The following RIMKLB variants were observed in gnomAD, a reference collection of about 807,000 sequenced individuals.
RIMKLB encodes the protein ribosomal modification protein rimK like family member B.
Under a neutral mutation model 32.0 loss-of-function variants are expected in RIMKLB, and 7 were observed. The ratio of observed to expected loss-of-function variants is 0.22; its 90% CI spans 0.12 to 0.41. RIMKLB has a LOEUF of 0.41. Ranked by LOEUF, RIMKLB falls within the 10% of genes least tolerant of loss-of-function variation. RIMKLB has a pLI of 1.00. For synonymous variants in RIMKLB, 172 were observed against 185.1 expected (o/e 0.93, Z 0.57); for missense variants, 289 against 498.7 (o/e 0.58, Z 4.00).
At chr12:8,715,949 T>C (rs145396508) in intron 2 of RIMKLB, among the ~76,000 whole-genome samples, 1 of 152,328 alleles carries the variant, frequency 6.6e-6, no homozygotes, top group East Asian at 1.9e-4. Flanking sequence ...GCTTTTTCAG[T>C]GTAAGTGTGT....
intron 1 of RIMKLB, among the ~76,000 whole-genome samples, chr12:8,700,938 C>A (rs912136195): frequency 6.6e-6 from 1 of 152,040 alleles, no homozygotes. Flanking sequence ...TGGTGACGCA[C>A]ACCTGTAGTC....
intron 5 of RIMKLB, among the ~76,000 whole-genome samples, chr12:8,755,819 G>GAACA (rs1948978100): frequency 6.6e-6 from 1 of 152,008 alleles, no homozygotes; most frequent in Non-Finnish European, 1.5e-5. Context: ...AACCAGCCTG[G>GAACA]GCAATCGAGG....
At chr12:8,719,754 C>T (rs759824622) in intron 2 of RIMKLB, among the ~76,000 whole-genome samples, 1 of 152,292 alleles carries the variant, frequency 6.6e-6, no homozygotes, top group African/African-American at 2.4e-5. Context: ...ATTACAAGTG[C>T]TTAGATGCTT....
chr12:8,717,316 C>G lies in RIMKLB; in HGVS notation c.175+3275C>G, dbSNP rs770056839. On this transcript the variant is annotated intron_variant, in intron 2 of 5. Coordinates refer to ENST00000535829, the MANE Select transcript of RIMKLB (RefSeq NM_001297776.2). ...CAATATGTGAATTATATCTCAAAGC[C>G]GTTTAAAAAATGTTACACGTCATTT... Among the ~76,000 whole-genome samples, 6 of 152,146 alleles carry G rather than the reference C, an allele frequency of 3.9e-5. No homozygotes were observed. The East Asian group carries it at 1.2e-3, about 29-fold the overall frequency.
At chr12:8,771,799 C>G (rs899180077) in intron 5 of RIMKLB, among the ~76,000 whole-genome samples, 1 of 152,148 alleles carries the variant, frequency 6.6e-6, no homozygotes, top group East Asian at 1.9e-4. Context: ...TGGAAAATGT[C>G]TTCATTAATT....
At chr12:8,766,321 G>C (rs1300299990) in intron 5 of RIMKLB, among the ~76,000 whole-genome samples, 3 of 152,098 alleles carry the variant, frequency 2.0e-5, no homozygotes, top group Non-Finnish European at 2.9e-5. Context: ...AAGGGGTCCG[G>C]CTGCTGGATT....
intron 1 of RIMKLB, among the ~76,000 whole-genome samples, chr12:8,688,708 CTTGTTG>C (rs999357888): frequency 6.6e-6 from 1 of 150,494 alleles, no homozygotes; most frequent in African/African-American, 2.4e-5. Flanking sequence ...ATTAAAAAAA[CTTGTTG>C]TTGTTAAAGG....
intron 2 of RIMKLB, among the ~76,000 whole-genome samples, chr12:8,747,025 C>T (rs1342049526): frequency 1.3e-5 from 2 of 151,948 alleles, no homozygotes; most frequent in African/African-American, 2.4e-5. Context: ...ACAGAGTAAG[C>T]CACCAGGCCT....
chr12:8,745,910 G>T (rs777897013), intron 2 of RIMKLB, among the ~76,000 whole-genome samples: 1 of 151,234 alleles, frequency 6.6e-6, no homozygotes, highest in Non-Finnish European at 1.5e-5. Context: ...GGCCAGACTG[G>T]TTTTGAACTC....
At position 8,754,091 on chromosome 12, in the gene RIMKLB, T is replaced by C; in HGVS notation, c.695T>C (p.Leu232Ser). The C allele has an allele frequency of 6.2e-7, 1 of 1,607,382 alleles. No homozygotes were observed. The highest frequency in any genetic ancestry group is 8.5e-7 in the Non-Finnish European group (1 of 1,173,838). The change falls in exon 5 of 6, where the codon TTA (leucine) becomes TCA (serine). Residue 232 changes from leucine (L) to serine (S), a missense_variant and splice_region_variant. By Grantham distance (145) the Leu-to-Ser change is moderately radical. This residue lies in a region of RIMKLB where 156 missense variants were observed against 329.5 expected (regional missense o/e 0.47). Transcript: ENST00000535829. The part of the protein sequence containing the change: ...TDGRMQSNCS[L>S]GGVGMMCSLS... Reference sequence around the variant, plus strand: ...GGGAGAATGCAAAGCAACTGCTCATTAGGTAAAAATAATGCAATTATCTTT... The same window carrying C: ...GGGAGAATGCAAAGCAACTGCTCATCAGGTAAAAATAATGCAATTATCTTT...
chr12:8,687,602 G>T (rs1942612992), intron 1 of RIMKLB, among the ~76,000 whole-genome samples: 1 of 152,072 alleles, frequency 6.6e-6, no homozygotes, highest in South Asian at 2.1e-4. Context: ...TGGACAAAAT[G>T]AAATTTCTAC....
chr12:8,752,595 G>T (rs1486585213), intron 4 of RIMKLB, among the ~76,000 whole-genome samples: 1 of 152,142 alleles, frequency 6.6e-6, no homozygotes, highest in Non-Finnish European at 1.5e-5. Flanking sequence ...ACTAACTCCA[G>T]TCATTGCCCT....
chr12:8,682,686 G>A (rs1054526613), intron 1 of RIMKLB, among the ~76,000 whole-genome samples: 26 of 151,746 alleles, frequency 1.7e-4, no homozygotes, highest in African/African-American at 5.8e-4. Flanking sequence ...GCAGGAGAAC[G>A]GCGTGAACCC....
intron 1 of RIMKLB, among the ~76,000 whole-genome samples, chr12:8,710,965 CAAAAAAAAAAAA>C (rs748394546): frequency 6.1e-5 from 4 of 65,768 alleles, no homozygotes; most frequent in African/African-American, 1.7e-4. Flanking sequence ...ACATCTTTAC[CAAAAAAAAAAAA>C]AAAAAAAAAA....
At position 8,775,514 on chromosome 12, in the gene RIMKLB, C is replaced by T; in HGVS notation, c.*1730C>T. Reference sequence around the variant, plus strand: ...TCTGAAGCTTTTACCCAAGCCCTTTCTTGCCTCTCCAGTGCTATTTTCCTT... The same window carrying T: ...TCTGAAGCTTTTACCCAAGCCCTTTTTTGCCTCTCCAGTGCTATTTTCCTT... On this transcript the variant is annotated 3_prime_UTR_variant, in exon 6 of 6. Coordinates refer to ENST00000535829, the MANE Select transcript of RIMKLB (RefSeq NM_001297776.2). The T allele has an allele frequency of 2.0e-6, 2 of 985,760 alleles. No individual in the cohort carries two copies. Among genetic ancestry groups the T allele is most frequent in the Admixed American group, 6.1e-5 (1 of 16,268 alleles). The allele number at this position is 985,760 out of a possible 1,614,324, so 61.1% of individuals were successfully genotyped here.
rs1948129627 is a variant in RIMKLB at position 8,746,725 on chromosome 12, G to A, written c.176-3137G>A. 2.0e-5 allele frequency among the ~76,000 whole-genome samples: 3 copies of A among 152,048 alleles called. No homozygotes were observed. The South Asian group carries it at 6.2e-4, about 32-fold the overall frequency. ...CACATACCTACCCATGGGTGCTCCT[G>A]GAGAATAATTTCTACTTTTTTCACC... is the stretch of plus-strand genomic sequence containing the variant. On this transcript the variant is annotated intron_variant, in intron 2 of 5. Coordinates refer to ENST00000535829, the MANE Select transcript of RIMKLB (RefSeq NM_001297776.2).
intron 5 of RIMKLB, among the ~76,000 whole-genome samples, chr12:8,754,837 T>C (rs1210441975): frequency 6.6e-6 from 1 of 152,224 alleles, no homozygotes. Context: ...TCTCCCAGGC[T>C]GGAGTGCAGT....
chr12:8,677,253 C>T (rs1024331528), upstream of RIMKLB, among the ~76,000 whole-genome samples: 1 of 152,172 alleles, frequency 6.6e-6, no homozygotes, highest in South Asian at 2.1e-4. Context: ...CCGCACAGTG[C>T]ACCCCCACCC....
the RIMKLB span, among the ~76,000 whole-genome samples, chr12:8,674,541 T>C: frequency 6.6e-6 from 1 of 151,280 alleles, no homozygotes; most frequent in Non-Finnish European, 1.5e-5. Context: ...GCCCAGCCCT[T>C]TTTTTTTCCT....
Sources: gnomAD v4.1 joint callset for allele counts (sites outside exome capture counted in the v4.1 genomes callset) on GRCh38, gnomAD v4.1.1 for gene constraint, gnomAD v4.1.1 regional missense constraint, MANE v1.5 for transcripts, NCBI Gene and HGNC (gene_info 2026-07-23, HGNC 2026-07-21) for gene names.